Variants in HLA-DOB observed in about 807,000 individuals in gnomAD.
HLA-DOB encodes major histocompatibility complex, class II, DO beta, also known as HLA class II histocompatibility antigen, DO beta chain.
A neutral mutation model predicts 27.7 loss-of-function variants in HLA-DOB; 25 were observed. The ratio of observed to expected loss-of-function variants is 0.90; its 90% CI spans 0.66 to 1.26. The LOEUF is 1.26. Among genes scored for constraint, HLA-DOB ranks in the 50% most tolerant of loss-of-function variants. HLA-DOB has a pLI of 0.00. For missense variants in HLA-DOB, 306 were observed against 324.9 expected, an observed-to-expected ratio of 0.94 and a Z score of 0.45; for synonymous variants, 137 against 125.6, an observed-to-expected ratio of 1.09 and a Z score of -0.61.
chr6:32,815,918 C>T (rs1178574752), intron 1 of HLA-DOB, among the ~76,000 whole-genome samples: 1 of 152,212 alleles, frequency 6.6e-6, no homozygotes, highest in East Asian at 1.9e-4. Context: ...GTGAACCCCA[C>T]TTATCCCTCA....
In HLA-DOB at chr6:32,815,145, C is replaced by A. The variant is rs533842746; in HGVS notation, c.260G>T (p.Trp87Leu). The stretch of plus-strand genomic sequence containing the variant: ...CTCCAAGAGATCCAGCCGGCTGTTC[C>A]ACTGCTCAGCATCTGGCTGCCCCAG... The part of the protein sequence containing the change: ...TKLGQPDAEQ[W>L]NSRLDLLERS... Residue 87 changes from tryptophan (W) to leucine (L), a missense_variant, in exon 2 of 6, where the codon TGG (tryptophan) becomes TTG (leucine). Coordinates refer to ENST00000438763, the MANE Select transcript of HLA-DOB (RefSeq NM_002120.4). The A allele has an allele frequency of 6.2e-7, 1 of 1,614,232 alleles. No individual in the cohort carries two copies. Among genetic ancestry groups the A allele is most frequent in the African/African-American group, 1.3e-5 (1 of 75,062 alleles).
intron 1 of HLA-DOB, among the ~76,000 whole-genome samples, chr6:32,816,204 A>G (rs1768012485): frequency 6.6e-6 from 1 of 152,132 alleles, no homozygotes; most frequent in Non-Finnish European, 1.5e-5. Flanking sequence ...TTCTTAGCAC[A>G]TTACATCCTG....
chr6:32,813,696 G>T, intron 4 of HLA-DOB, 27 bp downstream of exon 4: 1 of 1,412,812 alleles, frequency 7.1e-7, no homozygotes, highest in Non-Finnish European at 9.8e-7. Context: ...GGGACAGGTG[G>T]CAGGGCACTC....
Position 32,816,963 on chromosome 6 carries a change from G to GA in HLA-DOB, c.-13dup. The GA allele has an allele frequency of 2.5e-6, 4 of 1,596,590 alleles. No individual in the cohort carries two copies. Among genetic ancestry groups the GA allele is most frequent in the Non-Finnish European group, 3.4e-6 (4 of 1,167,220 alleles). Reference sequence around the variant, plus strand: ...CACCCAGAACCCATTCTGGAGAAAGGAAAAAAATGAGATAGTAAAATCGTC... The same window carrying GA: ...CACCCAGAACCCATTCTGGAGAAAGGAAAAAAAATGAGATAGTAAAATCGTC... On this transcript the variant is annotated 5_prime_UTR_variant, in exon 1 of 6. Coordinates refer to ENST00000438763, the MANE Select transcript of HLA-DOB (RefSeq NM_002120.4).
intron 1 of HLA-DOB, 66 bp from the exon 2 acceptor site, chr6:32,815,379 T>C: frequency 6.4e-7 from 1 of 1,572,886 alleles, no homozygotes; most frequent in Non-Finnish European, 8.7e-7. Context: ...CCTGGTAAAT[T>C]ACGTCAGACC....
intron 1 of HLA-DOB, among the ~76,000 whole-genome samples, chr6:32,816,196 C>T (rs1768011863): frequency 6.6e-6 from 1 of 152,138 alleles, no homozygotes; most frequent in Non-Finnish European, 1.5e-5. Flanking sequence ...GGATTCTGTT[C>T]TTAGCACATT....
At chr6:32,814,212 A>G in intron 3 of HLA-DOB, 108 bp downstream of exon 3, 1 of 1,113,806 alleles carries the variant, frequency 9.0e-7, no homozygotes, top group South Asian at 1.5e-5. Flanking sequence ...ATCAAGGGAA[A>G]GAATAATTCA....
intron 1 of HLA-DOB, among the ~76,000 whole-genome samples, chr6:32,815,629 G>A (rs76440421): frequency 0.04 from 6,097 of 152,296 alleles, 149 homozygotes; most frequent in East Asian, 0.058. Context: ...GAGAAGAGAC[G>A]AGAGAGTCTT....
At chr6:32,816,507 C>T (rs951736883) in intron 1 of HLA-DOB, among the ~76,000 whole-genome samples, 1 of 152,168 alleles carries the variant, frequency 6.6e-6, no homozygotes, top group Non-Finnish European at 1.5e-5. Flanking sequence ...CACAGATTGC[C>T]TCTGTGACCC....
chr6:32,813,969 G>A (rs1490334288), intron 3 of HLA-DOB, 136 bp from the exon 4 acceptor site: 15 of 688,506 alleles, frequency 2.2e-5, no homozygotes, highest in African/African-American at 7.2e-5. Flanking sequence ...AAGGTTCTTC[G>A]AAACCAAAGT....
rs1767854949 is a variant in HLA-DOB at position 32,812,940 on chromosome 6, A to T, written c.*276T>A. 2 of 541,556 alleles carry T rather than the reference A, an allele frequency of 3.7e-6. No individual in the cohort carries two copies. Among genetic ancestry groups the T allele is most frequent in the Non-Finnish European group, 6.6e-6 (2 of 303,662 alleles). 33.5% of individuals were successfully genotyped at this position (541,556 alleles called of 1,614,324 possible). A position where few individuals can be genotyped will look rare whatever the true frequency, so the allele number is the denominator to read the frequency against. ...GGGCTGGACCACAGAAAAGTAAATG[A>T]TTTGGGGCTGGAAGGAGTAAGGTCT... On this transcript the variant is annotated 3_prime_UTR_variant, in exon 6 of 6. Coordinates refer to ENST00000438763, the MANE Select transcript of HLA-DOB (RefSeq NM_002120.4).
At chr6:32,813,371 T>A (rs56278853) in intron 5 of HLA-DOB, 69 bp downstream of exon 5, 2 of 1,589,776 alleles carry the variant, frequency 1.3e-6, no homozygotes, top group Non-Finnish European at 1.7e-6. Flanking sequence ...TACCCCCATG[T>A]CATCTCCCTC....
In HLA-DOB at chr6:32,814,479, G is replaced by A; in HGVS notation, c.484C>T (p.Gln162Ter). ...DIKIKWFLNG[Q>*]EERAGVMSTG... ...GACATGACCCCAGCTCTCTCCTCCTGCCCATTCAGGAACCACTTGATCTTG... is the reference window on the plus strand; with the variant it reads ...GACATGACCCCAGCTCTCTCCTCCTACCCATTCAGGAACCACTTGATCTTG... Residue 162 changes from glutamine to a stop codon, truncating the protein, a stop_gained, in exon 3 of 6, where the codon CAG (glutamine) becomes TAG (stop). Coordinates refer to ENST00000438763, the MANE Select transcript of HLA-DOB (RefSeq NM_002120.4). LOFTEE classifies it high-confidence loss of function. The A allele has an allele frequency of 1.2e-6, 2 of 1,613,014 alleles. No homozygotes were observed. The highest frequency in any genetic ancestry group is 1.7e-6 in the Non-Finnish European group (2 of 1,180,002).
rs1219478281 is a variant in HLA-DOB, at chr6:32,815,082, T to C, written c.323A>G (p.Asn108Ser). Residue 108 changes from asparagine (N) to serine (S), a missense_variant, in exon 2 of 6, where the codon AAC becomes AGC. By Grantham distance (46) the Asn-to-Ser change is conservative. Coordinates refer to ENST00000438763, the MANE Select transcript of HLA-DOB (RefSeq NM_002120.4). ...RQAVDGVCRH[N>S]YRLGAPFTVG... ...AGTGAAGGGTGCGCCCAGCCTGTAG[T>C]TGTGTCTACAGACCCCATCCACGGC... 5.0e-6 allele frequency: 8 copies of C among 1,614,202 alleles called. No individual in the cohort carries two copies. Among genetic ancestry groups the C allele is most frequent in the Non-Finnish European group, 6.8e-6 (8 of 1,180,034 alleles).
Position 32,816,919 on chromosome 6 carries a change from A to C in HLA-DOB, c.33T>G (p.Ala11=). The change falls in exon 1 of 6, where the codon GCT becomes GCG. Residue 11 remains alanine (A), a synonymous_variant. Transcript: ENST00000438763. ...CCAGTCGGGTCAGATTCACTAGCAGAGCCACCACCCAGGGGACCCACCCAG... is the reference window on the plus strand; with the variant it reads ...CCAGTCGGGTCAGATTCACTAGCAGCGCCACCACCCAGGGGACCCACCCAG... The part of the protein sequence containing the change: MGSGWVPWVV[A]LLVNLTRLDS... 4.3e-6 allele frequency: 7 copies of C among 1,613,066 alleles called. No individual in the cohort carries two copies. The highest frequency in any genetic ancestry group is 5.9e-6 in the Non-Finnish European group (7 of 1,179,994).
intron 2 of HLA-DOB, 56 bp from the exon 3 acceptor site, chr6:32,814,657 G>A (rs557785184): frequency 6.8e-7 from 1 of 1,479,980 alleles, no homozygotes; most frequent in African/African-American, 1.4e-5. Flanking sequence ...GCTGGGACAG[G>A]AGATTCTTTA....
chr6:32,816,021 A>T (rs757480770), intron 1 of HLA-DOB, among the ~76,000 whole-genome samples: 4 of 152,122 alleles, frequency 2.6e-5, no homozygotes, highest in African/African-American at 4.8e-5. Context: ...CCAGGGGGGA[A>T]ATCTGAATTT....
chr6:32,814,262 G>A (rs1767921024), intron 3 of HLA-DOB, 58 bp downstream of exon 3: 3 of 1,471,900 alleles, frequency 2.0e-6, no homozygotes, highest in Admixed American at 1.7e-5. Flanking sequence ...CACAGGCTCT[G>A]TATTGAGTCA....
In HLA-DOB at chr6:32,814,432, T is replaced by C. The variant is rs778402817; in HGVS notation, c.531A>G (p.Gly177=). The C allele has an allele frequency of 8.2e-5, 132 of 1,612,872 alleles. No homozygotes were observed. Among genetic ancestry groups the C allele is most frequent in the Non-Finnish European group, 1.1e-4 (130 of 1,180,000 alleles). ...TCACCACAGTCTGAAAGGTCCAGTCTCCATTCCTGATAGGGCCAGTGGACA... is the reference window on the plus strand; with the variant it reads ...TCACCACAGTCTGAAAGGTCCAGTCCCCATTCCTGATAGGGCCAGTGGACA... The part of the protein sequence containing the change: ...GVMSTGPIRN[G]DWTFQTVVML... The change falls in exon 3 of 6, where the codon GGA becomes GGG. Residue 177 remains glycine, a synonymous_variant. Coordinates refer to ENST00000438763, the MANE Select transcript of HLA-DOB (RefSeq NM_002120.4).
Sources: allele counts gnomAD v4.1 joint callset (sites outside exome capture counted in the v4.1 genomes callset), GRCh38; gene constraint gnomAD v4.1.1; transcripts MANE v1.5; gene names NCBI Gene and HGNC (gene_info 2026-07-23, HGNC 2026-07-21).